Variants in FAF1 observed in about 807,000 individuals in gnomAD.
The protein encoded by FAF1 is Fas associated factor 1, also known as FAS-associated factor 1.
FAF1 carries 25 observed loss-of-function variants against 92.5 expected under a neutral mutation model. That is an observed-to-expected ratio of 0.27 (90% CI 0.20 to 0.38). The LOEUF is 0.38. Ranked by LOEUF, FAF1 falls within the 10% of genes least tolerant of loss-of-function variation. The pLI, the probability that FAF1 is intolerant of heterozygous loss-of-function variation, is 1.00. For synonymous variants in FAF1, 234 were observed against 273.2 expected (o/e 0.86, Z 1.42); for missense variants, 636 against 793.3 (o/e 0.80, Z 2.38).
At chr1:50,882,717 G>T (rs764906777) in intron 1 of FAF1, among the ~76,000 whole-genome samples, 38 of 151,778 alleles carry the variant, frequency 2.5e-4, no homozygotes, top group Non-Finnish European at 5.2e-4. Flanking sequence ...TGGGTGCGGT[G>T]GCTCACACCT....
At chr1:50,851,297 G>T (rs1222084860) in intron 2 of FAF1, among the ~76,000 whole-genome samples, 2 of 152,108 alleles carry the variant, frequency 1.3e-5, no homozygotes, top group Admixed American at 1.3e-4. Flanking sequence ...GACCAGGCTG[G>T]TCTCAAACTA....
chr1:50,699,899 C>G (rs961414759), intron 7 of FAF1, among the ~76,000 whole-genome samples: 1 of 152,082 alleles, frequency 6.6e-6, no homozygotes, highest in African/African-American at 2.4e-5. Context: ...GAAACTAACC[C>G]TACATTCATG....
intron 2 of FAF1, among the ~76,000 whole-genome samples, chr1:50,848,672 A>C (rs1644322953): frequency 6.6e-6 from 1 of 152,224 alleles, no homozygotes; most frequent in African/African-American, 2.4e-5. Context: ...ACTATGAAAA[A>C]TAAAAAATCA....
intron 15 of FAF1, among the ~76,000 whole-genome samples, chr1:50,510,537 C>T (rs138979082): frequency 2.0e-5 from 3 of 152,214 alleles, no homozygotes; most frequent in South Asian, 2.1e-4. Context: ...AGTCCCTAAC[C>T]GACTGTTACA....
At chr1:50,827,146 G>A (rs959956908) in intron 2 of FAF1, among the ~76,000 whole-genome samples, 8 of 152,078 alleles carry the variant, frequency 5.3e-5, no homozygotes, top group Non-Finnish European at 1.2e-4. Context: ...AGCAACCATC[G>A]AGAATGGGCC....
chr1:50,765,870 G>C (rs1437654722), intron 4 of FAF1, among the ~76,000 whole-genome samples: 2 of 152,072 alleles, frequency 1.3e-5, no homozygotes, highest in South Asian at 2.1e-4. Context: ...GCAGGTGGAT[G>C]ACCTGAGGTC....
chr1:50,621,663 G>C lies in FAF1; in HGVS notation c.745-25447C>G, dbSNP rs1280196268. ...GATCCACCCACCTCGGCCTCCCAAAGTGCTGAGATTACAGGAGTGAGGCAC... is the reference window on the plus strand; with the variant it reads ...GATCCACCCACCTCGGCCTCCCAAACTGCTGAGATTACAGGAGTGAGGCAC... On this transcript the variant is annotated intron_variant, in intron 8 of 18. Transcript: ENST00000396153. Among the ~76,000 whole-genome samples the C allele has an allele frequency of 2.0e-5, 3 of 151,922 alleles. No homozygotes were observed. The East Asian group carries it at 5.9e-4, about 30-fold the overall frequency.
intron 18 of FAF1, among the ~76,000 whole-genome samples, chr1:50,469,034 GT>G (rs1446182704): frequency 1.3e-5 from 2 of 152,266 alleles, no homozygotes; most frequent in Non-Finnish European, 2.9e-5. Flanking sequence ...TCAGATTAGA[GT>G]TTCATATATA....
In FAF1 at chr1:50,834,140, T is replaced by C. The variant is rs1038582560; in HGVS notation, c.114+23789A>G. ...GTTTAAAAGGGTGTAGCACCCCCGC[T>C]TCGCCCTCTTCCTCCTGGCGCCAGC... is the stretch of plus-strand genomic sequence containing the variant. On this transcript the variant is annotated intron_variant, in intron 2 of 18. Transcript: ENST00000396153. Among the ~76,000 whole-genome samples the C allele has an allele frequency of 2.6e-5, 4 of 152,214 alleles. No homozygotes were observed. The East Asian group carries it at 7.7e-4, about 29-fold the overall frequency.
intron 7 of FAF1, among the ~76,000 whole-genome samples, chr1:50,675,001 C>A (rs1656057344): frequency 6.6e-6 from 1 of 152,100 alleles, no homozygotes; most frequent in Non-Finnish European, 1.5e-5. Context: ...ACCAATTCTC[C>A]TGTCTCAGCC....
chr1:50,697,293 C>A (rs948923239), intron 7 of FAF1, among the ~76,000 whole-genome samples: 1 of 152,110 alleles, frequency 6.6e-6, no homozygotes, highest in African/African-American at 2.4e-5. Flanking sequence ...CATGATAATC[C>A]AGTTTAAAAA....
chr1:50,949,360 A>C (rs996646912), intron 1 of FAF1, among the ~76,000 whole-genome samples: 1 of 152,240 alleles, frequency 6.6e-6, no homozygotes, highest in Non-Finnish European at 1.5e-5. Flanking sequence ...ATTCTTTACT[A>C]TCGGGCGATG....
At chr1:50,454,078 G>GT (rs1334040127) in intron 18 of FAF1, among the ~76,000 whole-genome samples, 1 of 152,184 alleles carries the variant, frequency 6.6e-6, no homozygotes, top group East Asian at 1.9e-4. Context: ...GCTTATCACA[G>GT]TAACAACATT....
chr1:50,563,015 G>A (rs868376204), intron 13 of FAF1, among the ~76,000 whole-genome samples: 2 of 152,100 alleles, frequency 1.3e-5, no homozygotes, highest in South Asian at 4.1e-4. Flanking sequence ...ATTGTATTAG[G>A]TATTATAAGT....
chr1:50,471,864 G>A (rs1373662104), intron 18 of FAF1, among the ~76,000 whole-genome samples: 2 of 152,112 alleles, frequency 1.3e-5, no homozygotes, highest in Non-Finnish European at 1.5e-5. Flanking sequence ...AAAAGAGTAG[G>A]CAGAAAGAAG....
chr1:50,785,855 C>G (rs1661342289), intron 4 of FAF1, among the ~76,000 whole-genome samples: 1 of 152,084 alleles, frequency 6.6e-6, no homozygotes, highest in Non-Finnish European at 1.5e-5. Flanking sequence ...TGGCTGGGCA[C>G]AGTGACTCAT....
At chr1:50,450,150 T>C (rs904964409) in intron 18 of FAF1, among the ~76,000 whole-genome samples, 22 of 147,552 alleles carry the variant, frequency 1.5e-4, no homozygotes, top group African/African-American at 5.6e-4. Context: ...ACCACAGTCA[T>C]GCCACTGTAC....
At chr1:50,957,333 G>A (rs1421555160) in intron 1 of FAF1, among the ~76,000 whole-genome samples, 1 of 147,938 alleles carries the variant, frequency 6.8e-6, no homozygotes, top group African/African-American at 2.5e-5. Context: ...TAATGGGATC[G>A]AAATTTTCAT....
chr1:50,582,265 C>T (rs1330114619), intron 12 of FAF1: 1 of 199,592 alleles, frequency 5.0e-6, no homozygotes, highest in Non-Finnish European at 1.0e-5. Flanking sequence ...TTCAGTGCTT[C>T]ACAAGGCCTT....
Sources: allele counts gnomAD v4.1 joint callset (sites outside exome capture counted in the v4.1 genomes callset), GRCh38; gene constraint gnomAD v4.1.1; transcripts MANE v1.5; gene names NCBI Gene and HGNC (gene_info 2026-07-23, HGNC 2026-07-21).